The following BDP1 variants were observed in gnomAD, a reference collection of about 807,000 sequenced individuals.
The protein encoded by BDP1 is BDP1 general transcription factor IIIB subunit.
Under a neutral mutation model 266.6 loss-of-function variants are expected in BDP1, and 169 were observed. The observed-to-expected ratio is 0.63, with a 90% CI of 0.56 to 0.72. BDP1 has a LOEUF of 0.72. BDP1 is among the 30% of genes least tolerant of loss of function. The pLI, the probability that BDP1 is intolerant of heterozygous loss-of-function variation, is 0.00. For missense variants in BDP1, 3,015 were observed against 3,053.8 expected (o/e 0.99, Z 0.30); for synonymous variants, 1,090 against 1,022.4 (o/e 1.07, Z -1.26).
At chr5:71,563,049 AC>A (rs1225647710) in intron 38 of BDP1, among the ~76,000 whole-genome samples, 6 of 152,206 alleles carry the variant, frequency 3.9e-5, no homozygotes, top group Non-Finnish European at 7.3e-5. Flanking sequence ...ACATCTTTAA[AC>A]TTTTTAAAAA....
chr5:71,552,279 G>A (rs1438675549), intron 34 of BDP1, among the ~76,000 whole-genome samples: 30 of 150,562 alleles, frequency 2.0e-4, no homozygotes, highest in African/African-American at 6.6e-4. Context: ...GGGCAGAGAC[G>A]CTCCTCACTT....
chr5:71,503,374 G>A (rs1764379751), intron 15 of BDP1, among the ~76,000 whole-genome samples: 1 of 152,168 alleles, frequency 6.6e-6, no homozygotes, highest in Non-Finnish European at 1.5e-5. Flanking sequence ...CAGCAGCTTT[G>A]CTAGTTGTAA....
At chr5:71,576,707 T>C in the BDP1 span, among the ~76,000 whole-genome samples, 3 of 152,318 alleles carry the variant, frequency 2.0e-5, no homozygotes, top group East Asian at 3.9e-4. Flanking sequence ...GCACAAACTT[T>C]GCTGGCATTG....
rs771158737 is a variant in BDP1 at position 71,504,730 on chromosome 5, A to G, written c.2351A>G (p.Lys784Arg). 5 of 1,613,512 alleles carry G rather than the reference A, an allele frequency of 3.1e-6. No individual in the cohort carries two copies. Among genetic ancestry groups the G allele is most frequent in the Non-Finnish European group, 2.5e-6 (3 of 1,179,792 alleles). Residue 784 changes from lysine (K) to arginine (R), a missense_variant, in exon 16 of 39, where the codon AAG becomes AGG. Lys to Arg is a conservative substitution (Grantham distance 26). This residue lies in a region of BDP1 where 2,383 missense variants were observed against 2,404.9 expected (regional missense o/e 0.99). Transcript: ENST00000358731. ...SFQNVQPDEP[K>R]VLNECLSVQE... ...CAAAATGTGCAGCCAGATGAGCCCA[A>G]GGTTCTTAATGAATGTCTAAGGTAA...
chr5:71,497,205 A>T lies in BDP1; in HGVS notation c.1800-65A>T, dbSNP rs1044171689. ...AGTTCTTCCTAATTCTCAGTAGGTT[A>T]TTTTAGAAGTTCATTTGGACATGAC... On this transcript the variant is annotated intron_variant, in intron 12 of 38. Transcript: ENST00000358731. The T allele has an allele frequency of 6.7e-5, 96 of 1,443,046 alleles. No individual in the cohort carries two copies. The Admixed American group carries it at 1.8e-3, about 27-fold the overall frequency. 89.4% of individuals were successfully genotyped at this position (1,443,046 alleles called of 1,614,324 possible). A position where few individuals can be genotyped will look rare whatever the true frequency, so the allele number is the denominator to read the frequency against.
rs370715076 is a variant in BDP1, at chr5:71,534,702, C to T, written c.5892+2275C>T. ...TGTTGCCCAGGCTGGAGTGCAATGG[C>T]GCGATCTTGGCTCACCACAACCTCT... On this transcript the variant is annotated intron_variant, in intron 26 of 38. Coordinates refer to ENST00000358731, the MANE Select transcript of BDP1 (RefSeq NM_018429.3). Among the ~76,000 whole-genome samples the T allele has an allele frequency of 3.5e-3, 527 of 152,252 alleles. 3 individuals carry two copies. The highest frequency in any genetic ancestry group is 0.012 in the African/African-American group (496 of 41,542).
At chr5:71,507,707 G>A (rs554149918) in intron 16 of BDP1, among the ~76,000 whole-genome samples, 4 of 152,106 alleles carry the variant, frequency 2.6e-5, no homozygotes, top group Non-Finnish European at 4.4e-5. Context: ...AATGGAATGC[G>A]GTCCATTCAG....
chr5:71,572,146 C>G (rs920221556), downstream of BDP1, among the ~76,000 whole-genome samples: 1 of 152,166 alleles, frequency 6.6e-6, no homozygotes, highest in Non-Finnish European at 1.5e-5. Context: ...GAGCAGCTGA[C>G]CTCTTCTTCC....
chr5:71,465,972 T>A, intron 4 of BDP1, 124 bp from the exon 5 acceptor site: 1 of 1,019,452 alleles, frequency 9.8e-7, no homozygotes, highest in Non-Finnish European at 1.4e-6. Flanking sequence ...CTGTTTTCAT[T>A]TGGATTATAG....
intron 6 of BDP1, among the ~76,000 whole-genome samples, chr5:71,468,040 C>CG (rs1762008025): frequency 6.6e-6 from 1 of 151,998 alleles, no homozygotes; most frequent in Admixed American, 6.6e-5. Flanking sequence ...TTTTTTGAGA[C>CG]GGAGTTTCCC....
In BDP1 at chr5:71,483,443, A is replaced by G. The variant is rs187743777; in HGVS notation, c.1015-399A>G. Among the ~76,000 whole-genome samples, 40 of 152,354 alleles carry G rather than the reference A, an allele frequency of 2.6e-4. No individual in the cohort carries two copies. In the South Asian group the frequency reaches 6.8e-3, roughly 26 times the overall value. On this transcript the variant is annotated intron_variant, in intron 7 of 38. Transcript: ENST00000358731. The stretch of plus-strand genomic sequence containing the variant: ...CAAAATTTCACTTAGTTGTTTCTCT[A>G]TAGTCTTCTCTCCATGCTACTTGAA...
intron 6 of BDP1, among the ~76,000 whole-genome samples, chr5:71,469,433 C>T (rs970518210): frequency 5.3e-5 from 8 of 152,210 alleles, no homozygotes; most frequent in African/African-American, 1.2e-4. Flanking sequence ...AGCCACCGTG[C>T]GTGGCCTCTT....
intron 22 of BDP1, among the ~76,000 whole-genome samples, chr5:71,521,657 A>G (rs1765502775): frequency 6.6e-6 from 1 of 152,170 alleles, no homozygotes; most frequent in Non-Finnish European, 1.5e-5. Context: ...CCAGGAAACC[A>G]TTAGATAGCT....
In BDP1 at chr5:71,564,875, A is replaced by G. The variant is rs1436048304; in HGVS notation, c.7865A>G (p.Glu2622Gly). Residue 2622 changes from glutamate (E) to glycine (G), a missense_variant, in exon 39 of 39, where the codon GAA becomes GGA. Physicochemically the swap from Glu to Gly is moderately conservative, Grantham distance 98. Coordinates refer to ENST00000358731, the MANE Select transcript of BDP1 (RefSeq NM_018429.3). ...FFNDIFIEVD[E>G]TE ...AATGATATCTTCATTGAAGTGGATG[A>G]AACAGAATAAAACAATCTTTTCTCT... 1 of 1,584,290 alleles carries G rather than the reference A, an allele frequency of 6.3e-7. No individual in the cohort carries two copies. The highest frequency in any genetic ancestry group is 1.9e-5 in the Admixed American group (1 of 51,310).
rs1200814817 is a variant in BDP1, at chr5:71,489,540, A to G, written c.1350A>G (p.Ala450=). ...EESLTLSRED[A]EQVALEVDLN... Reference sequence around the variant, plus strand: ...CTCTGACCTTATCAAGGGAGGATGCAGAGCAGGTTGCATTAGAAGTAGACC... The same window carrying G: ...CTCTGACCTTATCAAGGGAGGATGCGGAGCAGGTTGCATTAGAAGTAGACC... Residue 450 remains alanine (A), a synonymous_variant, in exon 10 of 39, where the codon GCA becomes GCG. Transcript: ENST00000358731. 5.0e-6 allele frequency: 8 copies of G among 1,614,038 alleles called. No homozygotes were observed. In the African/African-American group the frequency reaches 8.0e-5, roughly 16 times the overall value.
Position 71,458,656 on chromosome 5 carries a change from G to A in BDP1, c.290G>A (p.Arg97Gln), listed in dbSNP as rs377289594. 31 of 1,613,770 alleles carry A rather than the reference G, an allele frequency of 1.9e-5. No individual in the cohort carries two copies. Among genetic ancestry groups the A allele is most frequent in the Non-Finnish European group, 2.5e-5 (29 of 1,179,710 alleles). ...SSSTVSQRRK[R>Q]ISSTSSLVKS... Reference sequence around the variant, plus strand: ...TCTACTGTTTCACAGAGAAGAAAGCGAATATCAAGTACTTCTAGCCTGGTT... The same window carrying A: ...TCTACTGTTTCACAGAGAAGAAAGCAAATATCAAGTACTTCTAGCCTGGTT... The change falls in exon 2 of 39, where the codon CGA (arginine) becomes CAA (glutamine). Residue 97 changes from arginine (R) to glutamine (Q), a missense_variant. Transcript: ENST00000358731.
At chr5:71,526,406 C>T (rs1765879185) in intron 25 of BDP1, among the ~76,000 whole-genome samples, 1 of 151,338 alleles carries the variant, frequency 6.6e-6, no homozygotes. Flanking sequence ...CATCTGAGGT[C>T]AGGAGTTTGA....
At chr5:71,457,425 C>T (rs941926095) in intron 1 of BDP1, among the ~76,000 whole-genome samples, 1 of 150,982 alleles carries the variant, frequency 6.6e-6, no homozygotes, top group East Asian at 2.0e-4. Flanking sequence ...TTGCAATTCT[C>T]CTGTCTCAGG....
intron 20 of BDP1, 33 bp from the exon 21 acceptor site, chr5:71,516,028 G>T (rs1184022280): frequency 6.6e-7 from 1 of 1,512,756 alleles, no homozygotes; most frequent in Non-Finnish European, 9.0e-7. Flanking sequence ...TTACAGTCAA[G>T]CGCCCTGCCT....
Sources: allele counts gnomAD v4.1 joint callset (sites outside exome capture counted in the v4.1 genomes callset), GRCh38; gene constraint gnomAD v4.1.1; regional missense constraint gnomAD v4.1.1; transcripts MANE v1.5; gene names NCBI Gene and HGNC (gene_info 2026-07-23, HGNC 2026-07-21).